RPS12: variants seen among roughly 807,000 people sequenced by gnomAD.
RPS12 encodes small ribosomal subunit protein eS12.
Under a neutral mutation model 17.2 loss-of-function variants are expected in RPS12, and 1 was observed. The observed-to-expected ratio is 0.06, with a 90% CI of 0.02 to 0.28. The LOEUF is 0.28. Among genes scored for constraint, RPS12 ranks in the 10% least tolerant of loss-of-function variants. RPS12 has a pLI of 1.00. For synonymous variants in RPS12, 67 were observed against 54.0 expected, an observed-to-expected ratio of 1.24 and a Z score of -1.06; for missense variants, 146 against 162.1, an observed-to-expected ratio of 0.90 and a Z score of 0.54.
intron 3 of RPS12, 72 bp from the exon 4 acceptor site, chr6:132,816,389 C>T (rs1782062787): frequency 2.7e-6 from 3 of 1,124,876 alleles, no homozygotes; most frequent in Non-Finnish European, 4.0e-6. Flanking sequence ...CAAAGATAAC[C>T]CTCCTAAAAT....
intron 2 of RPS12, 30 bp from the exon 3 acceptor site, chr6:132,814,942 A>G: frequency 6.7e-7 from 1 of 1,503,186 alleles, no homozygotes; most frequent in Non-Finnish European, 9.3e-7. Flanking sequence ...TGAGGATTTT[A>G]ACTGATGGTT....
rs531046982 is a variant in RPS12 at position 132,815,783 on chromosome 6, G to C, written c.132-678G>C. 2.7e-4 allele frequency: 123 copies of C among 455,874 alleles called. 2 individuals are homozygous for C. Among genetic ancestry groups the C allele is most frequent in the South Asian group, 1.9e-3 (120 of 64,516 alleles). 28.2% of individuals were successfully genotyped at this position (455,874 alleles called of 1,614,324 possible). ...ATGAGTCTTCTGTATTTCTATTTCG[G>C]CATTATTGCATGGCATTTCATAACT... is the stretch of plus-strand genomic sequence containing the variant. On this transcript the variant is annotated intron_variant, in intron 3 of 5. Transcript: ENST00000230050.
Position 132,815,051 on chromosome 6 carries a change from G to C in RPS12, c.94G>C (p.Ala32Pro). Reference protein sequence around the residue: ...LKTALIHDGLARGIREAAKAL... With the variant: ...LKTALIHDGLPRGIREAAKAL... ...GACTGCCCTCATCCACGATGGCCTA[G>C]CACGTGGAATTCGCGAAGCTGCCAA... Residue 32 changes from alanine to proline, a missense_variant, in exon 3 of 6, where the codon GCA becomes CCA. Physicochemically the swap from Ala to Pro is conservative, Grantham distance 27 (BLOSUM62 -1). Around this residue, in one of 2 missense-constraint regions of RPS12, gnomAD observed 117 missense variants for 104.6 expected, o/e 1.12. Coordinates refer to ENST00000230050, the MANE Select transcript of RPS12 (RefSeq NM_001016.4). 1.2e-6 allele frequency: 2 copies of C among 1,613,224 alleles called. No homozygotes were observed. Among genetic ancestry groups the C allele is most frequent in the Non-Finnish European group, 8.5e-7 (1 of 1,179,220 alleles).
At chr6:132,814,814 T>C (rs909836893) in intron 2 of RPS12, 32 bp downstream of exon 2, 4 of 1,599,568 alleles carry the variant, frequency 2.5e-6, no homozygotes, top group African/African-American at 2.7e-5. Flanking sequence ...GGAGTTGGGG[T>C]CGGGGTGCGG....
intron 3 of RPS12, chr6:132,815,364 T>A (rs1407029396): frequency 1.6e-6 from 1 of 614,934 alleles, no homozygotes; most frequent in Non-Finnish European, 3.1e-6. Flanking sequence ...GAGTGAAACA[T>A]AAGAGTCTGA....
At chr6:132,815,531 T>C (rs1420777508) in intron 3 of RPS12, 3 of 418,378 alleles carry the variant, frequency 7.2e-6, no homozygotes, top group Admixed American at 5.4e-5. Context: ...ATGAATTTAG[T>C]AGTATAATAG....
Position 132,816,971 on chromosome 6 carries a change from C to G in RPS12, c.246C>G (p.Asn82Lys). The part of the protein sequence containing the change: ...HQINLIKVDD[N>K]KKLGEWVGLC... Reference sequence around the variant, plus strand: ...CTTTCTCCCAATAGGTTGATGACAACAAGAAACTAGGAGAATGGGTAGGCC... The same window carrying G: ...CTTTCTCCCAATAGGTTGATGACAAGAAGAAACTAGGAGAATGGGTAGGCC... Residue 82 changes from asparagine (N) to lysine (K), a missense_variant, in exon 5 of 6, where the codon AAC (asparagine) becomes AAG (lysine). By Grantham distance (94) the Asn-to-Lys change is moderately conservative (BLOSUM62 0). This residue lies in a region of RPS12 where 117 missense variants were observed against 104.6 expected (regional missense o/e 1.12). Coordinates refer to ENST00000230050, the MANE Select transcript of RPS12 (RefSeq NM_001016.4). 6.2e-7 allele frequency: 1 copy of G among 1,605,046 alleles called. No homozygotes were observed. The highest frequency in any genetic ancestry group is 8.5e-7 in the Non-Finnish European group (1 of 1,172,558).
intron 5 of RPS12, 112 bp from the exon 6 acceptor site, chr6:132,817,368 A>G (rs1439647515): frequency 7.0e-6 from 6 of 852,592 alleles, no homozygotes; most frequent in South Asian, 1.3e-5. Flanking sequence ...GATGGGAAAC[A>G]TTTTTATAAG....
Position 132,814,780 on chromosome 6 carries a change from A to G in RPS12, c.12A>G (p.Glu4=). Residue 4 remains glutamate (E), a splice_region_variant and synonymous_variant, in exon 2 of 6, where the codon GAA becomes GAG. Coordinates refer to ENST00000230050, the MANE Select transcript of RPS12 (RefSeq NM_001016.4). The part of the protein sequence containing the change: MAE[E]GIAAGGVMDV... ...CGTAACCCACCGCCATGGCCGAGGAAGGGTGAGCCCAGGGGCCGGGGTTGG... is the reference window on the plus strand; with the variant it reads ...CGTAACCCACCGCCATGGCCGAGGAGGGGTGAGCCCAGGGGCCGGGGTTGG... 1.9e-6 allele frequency: 3 copies of G among 1,612,878 alleles called. No individual in the cohort carries two copies. Among genetic ancestry groups the G allele is most frequent in the Non-Finnish European group, 2.5e-6 (3 of 1,179,044 alleles).
chr6:132,816,475 T>A lies in RPS12; in HGVS notation c.146T>A (p.Leu49His), dbSNP rs1782064625. 6.2e-7 allele frequency: 1 copy of A among 1,607,902 alleles called. No homozygotes were observed. Among genetic ancestry groups the A allele is most frequent in the Admixed American group, 1.7e-5 (1 of 59,968 alleles). ...TTGAATTTCAGGCGCCAAGCCCATCTTTGTGTGCTTGCATCCAACTGTGAT... is the reference window on the plus strand; with the variant it reads ...TTGAATTTCAGGCGCCAAGCCCATCATTGTGTGCTTGCATCCAACTGTGAT... ...AKALDKRQAHLCVLASNCDEP... is the reference protein window; with the variant it reads ...AKALDKRQAHHCVLASNCDEP... The change falls in exon 4 of 6, where the codon CTT becomes CAT. Residue 49 changes from leucine (L) to histidine (H), a missense_variant. Leu to His is a moderately conservative substitution (Grantham distance 99). Transcript: ENST00000230050.
At chr6:132,816,619 G>T (rs368529622) in intron 4 of RPS12, 56 bp downstream of exon 4, 2 of 1,173,972 alleles carry the variant, frequency 1.7e-6, no homozygotes, top group South Asian at 1.2e-5. Flanking sequence ...TGTATATGGG[G>T]GTAAATTCTG....
intron 5 of RPS12, 197 bp downstream of exon 5, chr6:132,817,258 C>T (rs1233495940): frequency 7.8e-6 from 6 of 772,750 alleles, no homozygotes; most frequent in Non-Finnish European, 1.4e-5. Context: ...TGTGTTTGTG[C>T]AGACATACTT....
At chr6:132,816,859 T>A in intron 4 of RPS12, 101 bp from the exon 5 acceptor site, 1 of 844,638 alleles carries the variant, frequency 1.2e-6, no homozygotes, top group Non-Finnish European at 2.1e-6. Context: ...AACTGCCATG[T>A]CACCCTTCTG....
intron 3 of RPS12, chr6:132,815,767 C>A (rs79634086): frequency 1.4e-4 from 63 of 455,134 alleles, no homozygotes; most frequent in Non-Finnish European, 2.6e-4. Context: ...TATGAGTCTT[C>A]TGTATTTCTA....
chr6:132,817,128 T>A, intron 5 of RPS12, 67 bp downstream of exon 5: 1 of 999,942 alleles, frequency 1.0e-6, no homozygotes, highest in Non-Finnish European at 1.6e-6. Flanking sequence ...TGTATTGAAA[T>A]AAGTTGAGGA....
At chr6:132,817,271 A>G (rs1483955466) in intron 5 of RPS12, 1 of 772,782 alleles carries the variant, frequency 1.3e-6, no homozygotes, top group Non-Finnish European at 2.4e-6. Flanking sequence ...ACATACTTTA[A>G]AAACTGGCAA....
intron 1 of RPS12, 51 bp downstream of exon 1, chr6:132,814,664 G>A: frequency 7.6e-7 from 1 of 1,317,992 alleles, no homozygotes; most frequent in Admixed American, 1.7e-5. Flanking sequence ...TTTGTGGCTC[G>A]TTGCGTTCTT....
Position 132,814,978 on chromosome 6 carries a change from T to A in RPS12, c.21T>A (p.Ala7=). The change falls in exon 3 of 6, where the codon GCT becomes GCA. Residue 7 remains alanine (A), a synonymous_variant. Transcript: ENST00000230050. MAEEGI[A]AGGVMDVNTA... The stretch of plus-strand genomic sequence containing the variant: ...CTGATGTGTCGCGTTTAAGCATTGC[T>A]GCTGGAGGTGTAATGGACGTTAATA... 1 of 1,606,952 alleles carries A rather than the reference T, an allele frequency of 6.2e-7. No individual in the cohort carries two copies. Among genetic ancestry groups the A allele is most frequent in the East Asian group, 2.2e-5 (1 of 44,840 alleles).
At chr6:132,817,153 A>T in intron 5 of RPS12, 92 bp downstream of exon 5, 1 of 886,266 alleles carries the variant, frequency 1.1e-6, no homozygotes, top group Non-Finnish European at 1.9e-6. Context: ...ATAAAAGGAA[A>T]AAACTGATTC....
Sources: gnomAD v4.1 joint callset for allele counts on GRCh38, gnomAD v4.1.1 for gene constraint, gnomAD v4.1.1 regional missense constraint, MANE v1.5 for transcripts, NCBI Gene and HGNC (gene_info 2026-07-23, HGNC 2026-07-21) for gene names.